The following FAM227B variants were observed in gnomAD, a reference collection of about 807,000 sequenced individuals.
FAM227B encodes protein FAM227B.
FAM227B carries 88 observed loss-of-function variants against 73.8 expected under a neutral mutation model. The observed-to-expected ratio is 1.19, with a 90% CI of 1.00 to 1.42. The LOEUF is 1.42. FAM227B is among the 40% of genes most tolerant of loss of function. FAM227B has a pLI of 0.00. For missense variants in FAM227B, 632 were observed against 590.9 expected (o/e 1.07, Z -0.72); for synonymous variants, 210 against 190.5 (o/e 1.10, Z -0.84).
chr15:49,603,322 T>C (rs1216636036), intron 3 of FAM227B, among the ~76,000 whole-genome samples: 2 of 152,124 alleles, frequency 1.3e-5, no homozygotes, highest in African/African-American at 4.8e-5. Context: ...ATTTCCTTCA[T>C]GATAGTTTTC....
intron 11 of FAM227B, among the ~76,000 whole-genome samples, chr15:49,499,424 A>T (rs1341038167): frequency 6.6e-6 from 1 of 152,164 alleles, no homozygotes; most frequent in East Asian, 1.9e-4. Flanking sequence ...AAATATAGGC[A>T]TATTCTATGT....
At chr15:49,596,839 T>G (rs2076912524) in intron 3 of FAM227B, among the ~76,000 whole-genome samples, 1 of 151,722 alleles carries the variant, frequency 6.6e-6, no homozygotes, top group South Asian at 2.1e-4. Context: ...TCAGACAAAA[T>G]AAACTTTAAA....
chr15:49,328,590 T>C lies in FAM227B; in HGVS notation c.1505A>G (p.Asn502Ser), dbSNP rs2037925014. The part of the protein sequence containing the change: ...SSSPSSTDNY[N>S]FEEEEY ...CTCTTAGTATTCTTCTTCCTCAAAG[T>C]TGTAGTTGTCTGTTGATGATGGTGA... The change falls in exon 16 of 16, where the codon AAC becomes AGC. Residue 502 changes from asparagine to serine, a missense_variant. Coordinates refer to ENST00000299338, the MANE Select transcript of FAM227B (RefSeq NM_152647.3). 11 of 1,598,276 alleles carry C rather than the reference T, an allele frequency of 6.9e-6. No homozygotes were observed. Among genetic ancestry groups the C allele is most frequent in the Non-Finnish European group, 9.4e-6 (11 of 1,169,680 alleles).
intron 14 of FAM227B, chr15:49,334,098 G>T (rs1443016345): frequency 5.7e-6 from 1 of 176,246 alleles, no homozygotes; most frequent in African/African-American, 2.4e-5. Context: ...ATTAAAGAAA[G>T]TTAAAATGTT....
chr15:49,583,068 C>T (rs549443388), intron 5 of FAM227B, among the ~76,000 whole-genome samples: 1 of 151,910 alleles, frequency 6.6e-6, no homozygotes, highest in South Asian at 2.1e-4. Context: ...ACTAAAAGAA[C>T]CAGGGAATCA....
intron 13 of FAM227B, among the ~76,000 whole-genome samples, chr15:49,345,410 A>C (rs941997957): frequency 3.3e-5 from 5 of 152,172 alleles, no homozygotes; most frequent in Non-Finnish European, 7.3e-5. Flanking sequence ...TTTCTTGTAC[A>C]ACTCAGTGGT....
chr15:49,461,712 GA>G (rs1419900221), intron 11 of FAM227B, among the ~76,000 whole-genome samples: 1 of 152,080 alleles, frequency 6.6e-6, no homozygotes, highest in Non-Finnish European at 1.5e-5. Flanking sequence ...TTTTTTTGAG[GA>G]AAAATTTTTA....
At chr15:49,608,629 CA>C (rs1312933902) in intron 3 of FAM227B, among the ~76,000 whole-genome samples, 1 of 151,820 alleles carries the variant, frequency 6.6e-6, no homozygotes, top group Non-Finnish European at 1.5e-5. Flanking sequence ...AACAAATAAG[CA>C]AATAAATCAG....
At chr15:49,476,990 G>A (rs1467265355) in intron 11 of FAM227B, among the ~76,000 whole-genome samples, 61 of 151,824 alleles carry the variant, frequency 4.0e-4, no homozygotes, top group Non-Finnish European at 4.4e-5. Flanking sequence ...AACCTGGGAG[G>A]CGGAGCTTGC....
At chr15:49,497,736 A>G (rs2057751259) in intron 11 of FAM227B, among the ~76,000 whole-genome samples, 1 of 152,262 alleles carries the variant, frequency 6.6e-6, no homozygotes, top group Non-Finnish European at 1.5e-5. Context: ...TTGAAATGTT[A>G]CAACAACTTC....
At chr15:49,402,235 T>C (rs1294396175) in intron 11 of FAM227B, among the ~76,000 whole-genome samples, 2 of 152,192 alleles carry the variant, frequency 1.3e-5, no homozygotes, top group African/African-American at 2.4e-5. Context: ...AGATGATGTG[T>C]ATATGGCTCT....
chr15:49,575,005 C>G lies in FAM227B; in HGVS notation c.645+6G>C. 1 of 1,523,192 alleles carries G rather than the reference C, an allele frequency of 6.6e-7. No individual in the cohort carries two copies. The highest frequency in any genetic ancestry group is 9.0e-7 in the Non-Finnish European group (1 of 1,117,034). The allele number at this position is 1,523,192 out of a possible 1,614,324, so 94.4% of individuals were successfully genotyped here. On this transcript the variant is annotated splice_donor_region_variant and intron_variant, in intron 8 of 15. Transcript: ENST00000299338. Reference sequence around the variant, plus strand: ...TTAAAAAATAAATTTTTAAAAATCACTATACCCTAAATTTATGGAGAAACC... The same window carrying G: ...TTAAAAAATAAATTTTTAAAAATCAGTATACCCTAAATTTATGGAGAAACC...
At chr15:49,386,418 A>G (rs1045642410) in intron 11 of FAM227B, among the ~76,000 whole-genome samples, 3 of 148,082 alleles carry the variant, frequency 2.0e-5, no homozygotes. Flanking sequence ...GTTAACAATG[A>G]AATCAAGATG....
chr15:49,484,642 GC>G, intron 11 of FAM227B: 1 of 491,426 alleles, frequency 2.0e-6, no homozygotes, highest in Admixed American at 3.9e-5. Context: ...AACTGATCAA[GC>G]TGGACTTGTG....
In FAM227B at chr15:49,327,942, A is replaced by T. The variant is rs1443531966; in HGVS notation, c.*626T>A. On this transcript the variant is annotated 3_prime_UTR_variant, in exon 16 of 16. Coordinates refer to ENST00000299338, the MANE Select transcript of FAM227B (RefSeq NM_152647.3). ...TATAGGTTCTAATATTTTTTTCCTCACTGTTTTAGGAAGTTTGGGGCTCAA... is the reference window on the plus strand; with the variant it reads ...TATAGGTTCTAATATTTTTTTCCTCTCTGTTTTAGGAAGTTTGGGGCTCAA... The T allele has an allele frequency of 5.0e-6, 8 of 1,592,548 alleles. No homozygotes were observed. Among genetic ancestry groups the T allele is most frequent in the Admixed American group, 3.5e-5 (2 of 56,834 alleles).
chr15:49,365,910 C>A, intron 13 of FAM227B: 1 of 966,280 alleles, frequency 1.0e-6, no homozygotes, highest in South Asian at 1.3e-5. Context: ...TGTACAGACT[C>A]ATTGCTGATA....
At chr15:49,552,420 C>A (rs2073142283) in intron 9 of FAM227B, among the ~76,000 whole-genome samples, 1 of 152,124 alleles carries the variant, frequency 6.6e-6, no homozygotes. Flanking sequence ...CTTTCTTTAT[C>A]CTTGACCTTT....
At chr15:49,495,459 A>C (rs2057515438) in intron 11 of FAM227B, among the ~76,000 whole-genome samples, 2 of 152,186 alleles carry the variant, frequency 1.3e-5, no homozygotes, top group Admixed American at 6.5e-5. Flanking sequence ...ACAGTATAAA[A>C]TACAACTAAC....
At chr15:49,396,046 C>A (rs1269720884) in intron 11 of FAM227B, 1 of 451,964 alleles carries the variant, frequency 2.2e-6, no homozygotes, top group Non-Finnish European at 4.4e-6. Flanking sequence ...GCGTGAGCGA[C>A]GCAGAAGATG....
Sources: allele counts gnomAD v4.1 joint callset (sites outside exome capture counted in the v4.1 genomes callset), GRCh38; gene constraint gnomAD v4.1.1; transcripts MANE v1.5; gene names NCBI Gene and HGNC (gene_info 2026-07-23, HGNC 2026-07-21).